The following CRPPA variants were observed in gnomAD, a reference collection of about 807,000 sequenced individuals.
CRPPA encodes the protein D-ribitol-5-phosphate cytidylyltransferase.
In CRPPA, 43 loss-of-function variants were observed where a neutral mutation model predicts 52.0. The observed-to-expected ratio is 0.83, with a 90% CI of 0.65 to 1.07. CRPPA has a LOEUF of 1.07. CRPPA is among the 50% of genes least tolerant of loss of function. CRPPA has a pLI of 0.00. For synonymous variants in CRPPA, 250 were observed against 203.5 expected, an observed-to-expected ratio of 1.23 and a Z score of -1.94; for missense variants, 629 against 551.7, an observed-to-expected ratio of 1.14 and a Z score of -1.40.
intron 2 of CRPPA, among the ~76,000 whole-genome samples, chr7:16,397,375 T>A (rs112927754): frequency 0.012 from 1,767 of 152,252 alleles, 36 homozygotes; most frequent in African/African-American, 0.039. Context: ...GTGTAACACG[T>A]GTGACATATG....
At chr7:16,339,473 A>G (rs1294461471) in intron 3 of CRPPA, among the ~76,000 whole-genome samples, 6 of 152,242 alleles carry the variant, frequency 3.9e-5, no homozygotes, top group Admixed American at 3.9e-4. Flanking sequence ...TAGATGGAGA[A>G]AACGTATTTG....
chr7:16,247,893 A>T (rs950684152), intron 8 of CRPPA: 1 of 152,188 alleles, frequency 6.6e-6, no homozygotes, highest in African/African-American at 2.4e-5. Flanking sequence ...AGCTTGGTAC[A>T]GGAACAACAG....
Position 16,317,333 on chromosome 7 carries a change from T to C in CRPPA, c.685-8706A>G, listed in dbSNP as rs1385641498. On this transcript the variant is annotated intron_variant, in intron 3 of 9. Transcript: ENST00000407010. ...TGTACCTGGTATAGTGTCTAGCTTA[T>C]GACAAGTTCTTGATAAAATCTAAAT... Among the ~76,000 whole-genome samples the C allele has an allele frequency of 2.0e-5, 3 of 152,198 alleles. No homozygotes were observed. In the East Asian group the frequency reaches 5.8e-4, roughly 29 times the overall value.
At chr7:16,382,497 T>G (rs1744563908) in intron 2 of CRPPA, among the ~76,000 whole-genome samples, 1 of 152,142 alleles carries the variant, frequency 6.6e-6, no homozygotes, top group Non-Finnish European at 1.5e-5. Flanking sequence ...GAGGAGTATC[T>G]TTGTGGCATT....
Position 16,089,060 on chromosome 7 carries a change from T to C in CRPPA, c.*2635A>G, listed in dbSNP as rs532378728. ...TTGTTACTATTCAGTCACATGATTT[T>C]GGCAAGGTAACTAAGATCCCTGAGC... On this transcript the variant is annotated 3_prime_UTR_variant, in exon 10 of 10. Coordinates refer to ENST00000407010, the MANE Select transcript of CRPPA (RefSeq NM_001101426.4). 4.0e-4 allele frequency: 91 copies of C among 226,200 alleles called. 1 individual carries two copies. The highest frequency in any genetic ancestry group is 3.6e-3 in the South Asian group (68 of 19,070). The allele number at this position is 226,200 out of a possible 1,614,324, so 14.0% of individuals were successfully genotyped here.
intron 9 of CRPPA, among the ~76,000 whole-genome samples, chr7:16,188,660 T>C (rs1038623987): frequency 1.4e-4 from 22 of 152,258 alleles, no homozygotes; most frequent in African/African-American, 5.1e-4. Context: ...CAGGTTAACC[T>C]AGAGAAGTCA....
intron 4 of CRPPA, among the ~76,000 whole-genome samples, chr7:16,306,108 T>C (rs552657368): frequency 3.3e-5 from 5 of 152,208 alleles, no homozygotes; most frequent in Admixed American, 3.3e-4. Flanking sequence ...GTGTCTCTTC[T>C]ATTCTTGTAC....
chr7:16,342,782 A>T (rs199912327), intron 3 of CRPPA, among the ~76,000 whole-genome samples: 33,236 of 76,118 alleles, frequency 0.44, 8,401 homozygotes, highest in East Asian at 0.57. Context: ...AAAAAAAAAA[A>T]ATATATATAT....
At chr7:16,137,462 G>T (rs989547081) in intron 9 of CRPPA, among the ~76,000 whole-genome samples, 1 of 152,118 alleles carries the variant, frequency 6.6e-6, no homozygotes, top group African/African-American at 2.4e-5. Flanking sequence ...TTGATATATT[G>T]CTGTATTTTG....
intron 9 of CRPPA, chr7:16,209,060 G>C (rs1208064027): frequency 7.2e-6 from 3 of 418,448 alleles, no homozygotes; most frequent in Non-Finnish European, 1.4e-5. Flanking sequence ...CAGGGGAAGT[G>C]GTGTTATGAC....
intron 9 of CRPPA, among the ~76,000 whole-genome samples, chr7:16,128,351 C>G (rs1487090366): frequency 6.6e-6 from 1 of 152,102 alleles, no homozygotes; most frequent in East Asian, 1.9e-4. Context: ...AAATTCATCT[C>G]AACCTCCCCA....
intron 3 of CRPPA, among the ~76,000 whole-genome samples, chr7:16,328,454 T>C (rs1018489727): frequency 6.7e-6 from 1 of 149,728 alleles, no homozygotes; most frequent in Non-Finnish European, 1.5e-5. Context: ...AATTAATAAA[T>C]GGTTGCTTTC....
At chr7:16,395,837 A>G (rs1488624744) in intron 2 of CRPPA, among the ~76,000 whole-genome samples, 2 of 152,196 alleles carry the variant, frequency 1.3e-5, no homozygotes, top group East Asian at 1.9e-4. Flanking sequence ...CCTTTTCCCA[A>G]CTTCCTTTGA....
chr7:16,354,345 C>T (rs1786241999), intron 3 of CRPPA, among the ~76,000 whole-genome samples: 1 of 152,120 alleles, frequency 6.6e-6, no homozygotes, highest in African/African-American at 2.4e-5. Context: ...CATGATACAA[C>T]ATGATTTGTA....
At chr7:16,240,897 A>G (rs762366917) in intron 8 of CRPPA, among the ~76,000 whole-genome samples, 8 of 152,210 alleles carry the variant, frequency 5.3e-5, no homozygotes, top group Non-Finnish European at 1.0e-4. Context: ...AAGCTAAAGT[A>G]AGAAGCCATT....
At position 16,089,163 on chromosome 7, in the gene CRPPA, T is replaced by C. The variant is rs1314826360; in HGVS notation, c.*2532A>G. ...AATACATATACATAAAACATAAAAA[T>C]ACATATATACGTACGTATATACATA... On this transcript the variant is annotated 3_prime_UTR_variant, in exon 10 of 10. Coordinates refer to ENST00000407010, the MANE Select transcript of CRPPA (RefSeq NM_001101426.4). The C allele has an allele frequency of 3.6e-6, 1 of 275,860 alleles. No homozygotes were observed. The highest frequency in any genetic ancestry group is 8.1e-6 in the Non-Finnish European group (1 of 123,118). The allele number at this position is 275,860 out of a possible 1,614,324, so 17.1% of individuals were successfully genotyped here. A position where few individuals can be genotyped will look rare whatever the true frequency, so the allele number is the denominator to read the frequency against.
Position 16,184,587 on chromosome 7 carries a change from C to G in CRPPA, c.1251+31479G>C, listed in dbSNP as rs566596955. Among the ~76,000 whole-genome samples, 8 of 152,272 alleles carry G rather than the reference C, an allele frequency of 5.3e-5. No homozygotes were observed. In the South Asian group the frequency reaches 1.7e-3, roughly 32 times the overall value. ...GAGAAATACATTTTTTGCTGCTTCT[C>G]AATGGCAGAGACACCCCAGGGCAAT... On this transcript the variant is annotated intron_variant, in intron 9 of 9. Transcript: ENST00000407010.
chr7:16,340,136 T>A (rs908246632), intron 3 of CRPPA, among the ~76,000 whole-genome samples: 43 of 152,018 alleles, frequency 2.8e-4, no homozygotes, highest in Non-Finnish European at 4.7e-4. Context: ...ATAAAATACA[T>A]AACTATAAAA....
intron 5 of CRPPA, among the ~76,000 whole-genome samples, chr7:16,298,783 C>T (rs1032517239): frequency 6.6e-6 from 1 of 152,180 alleles, no homozygotes; most frequent in African/African-American, 2.4e-5. Context: ...ATCATCCTCA[C>T]TGAAGTGTGG....
Sources: gnomAD v4.1 joint callset for allele counts (sites outside exome capture counted in the v4.1 genomes callset) on GRCh38, gnomAD v4.1.1 for gene constraint, MANE v1.5 for transcripts, NCBI Gene and HGNC (gene_info 2026-07-23, HGNC 2026-07-21) for gene names.